TRAF2: variants seen among roughly 807,000 people sequenced by gnomAD.
TRAF2 encodes TNF receptor-associated factor 2.
Under a neutral mutation model 55.6 loss-of-function variants are expected in TRAF2, and 6 were observed. That is an observed-to-expected ratio of 0.11 (90% confidence interval 0.06 to 0.21). The LOEUF (loss-of-function observed/expected upper bound fraction) is 0.21, where lower values mean the gene tolerates loss of function less well. Ranked by LOEUF, TRAF2 falls within the 10% of genes least tolerant of loss-of-function variation. The pLI is 1.00. For missense variants in TRAF2, 561 were observed against 684.5 expected (o/e 0.82, Z 2.01); for synonymous variants, 329 against 276.3 (o/e 1.19, Z -1.89).
chr9:136,915,943 G>A (rs1044752422), intron 6 of TRAF2, among the ~76,000 whole-genome samples: 1 of 152,062 alleles, frequency 6.6e-6, no homozygotes, highest in Admixed American at 6.6e-5. Context: ...ACTCAGAGCC[G>A]CGACACACCT....
chr9:136,905,724 C>CA (rs1849932431), intron 4 of TRAF2, among the ~76,000 whole-genome samples: 1 of 152,168 alleles, frequency 6.6e-6, no homozygotes, highest in Non-Finnish European at 1.5e-5. Context: ...TGGCCAGGCA[C>CA]AGGGGCTCAT....
intron 1 of TRAF2, among the ~76,000 whole-genome samples, chr9:136,898,043 G>C (rs1849726306): frequency 6.8e-6 from 1 of 147,918 alleles, no homozygotes; most frequent in Admixed American, 6.7e-5. Flanking sequence ...GGGCTGGAGG[G>C]GAACCCGTGG....
chr9:136,885,879 C>T (rs758867198), upstream of TRAF2, among the ~76,000 whole-genome samples: 1 of 152,262 alleles, frequency 6.6e-6, no homozygotes, highest in Admixed American at 6.5e-5. Context: ...AAAGGAGACC[C>T]CATAGCCTTA....
chr9:136,909,067 A>T (rs1355855379), intron 5 of TRAF2, among the ~76,000 whole-genome samples: 1 of 152,092 alleles, frequency 6.6e-6, no homozygotes, highest in Non-Finnish European at 1.5e-5. Context: ...AAAATTTTTA[A>T]AAAAAGTTTG....
chr9:136,918,258 TTTATTTAATTAA>T (rs1257440130), intron 7 of TRAF2, among the ~76,000 whole-genome samples: 3 of 18,814 alleles, frequency 1.6e-4, no homozygotes, highest in East Asian at 5.3e-3. Context: ...TATATATATA[TTTATTTAATTAA>T]TTAATTTATT....
intron 4 of TRAF2, among the ~76,000 whole-genome samples, chr9:136,903,497 G>A (rs572582239): frequency 2.0e-5 from 3 of 151,832 alleles, no homozygotes; most frequent in East Asian, 1.9e-4. Context: ...CTGTATTTGC[G>A]TCAAATGTGT....
At chr9:136,882,236 C>A (rs1441947617), upstream of TRAF2, among the ~76,000 whole-genome samples, 2 of 152,204 alleles carry the variant, frequency 1.3e-5, no homozygotes, top group African/African-American at 4.8e-5. Context: ...TCCACAGAGC[C>A]CTGCTGGGCA....
At chr9:136,922,420 A>AC (rs17250588) in intron 9 of TRAF2, 5,011 of 152,526 alleles carry the variant, frequency 0.033, 149 homozygotes, top group South Asian at 0.13. Flanking sequence ...GGAGCTCTGC[A>AC]CTAAGCGTTG....
At position 136,911,162 on chromosome 9, in the gene TRAF2, C is replaced by T. The variant is rs146053497; in HGVS notation, c.603+1168C>T. 1.6e-3 allele frequency among the ~76,000 whole-genome samples: 251 copies of T among 152,282 alleles called. 1 individual carries two copies. In the East Asian group the frequency reaches 0.023, roughly 14 times the overall value. On this transcript the variant is annotated intron_variant, in intron 6 of 10. Transcript: ENST00000247668. ...CTGTTTCCAGAGTGAAAGACGAAGACGGGCGCCCACGCAGCGCGGTGGTGT... is the reference window on the plus strand; with the variant it reads ...CTGTTTCCAGAGTGAAAGACGAAGATGGGCGCCCACGCAGCGCGGTGGTGT...
intron 3 of TRAF2, 87 bp from the exon 4 acceptor site, chr9:136,900,335 G>A: frequency 1.2e-6 from 1 of 831,086 alleles, no homozygotes; most frequent in Non-Finnish European, 1.9e-6. Context: ...ACGCAGTATT[G>A]GTTGGTTTGG....
chr9:136,885,322 G>C (rs950941693), upstream of TRAF2, among the ~76,000 whole-genome samples: 1 of 152,120 alleles, frequency 6.6e-6, no homozygotes, highest in African/African-American at 2.4e-5. Context: ...TCTGCAAAGC[G>C]GGGTGAAAGG....
intron 3 of TRAF2, among the ~76,000 whole-genome samples, 174 bp from the exon 4 acceptor site, chr9:136,900,248 C>T (rs2131293361): frequency 6.6e-6 from 1 of 151,440 alleles, no homozygotes; most frequent in South Asian, 2.1e-4. Flanking sequence ...GAAACTTTGG[C>T]ATCAAGGTGA....
At chr9:136,898,323 T>C (rs957539156) in intron 1 of TRAF2, among the ~76,000 whole-genome samples, 1 of 152,166 alleles carries the variant, frequency 6.6e-6, no homozygotes, top group African/African-American at 2.4e-5. Flanking sequence ...GCAGGAACCA[T>C]GGGGGAGACC....
chr9:136,886,605 G>C (rs1486979174), intron 1 of TRAF2, 64 bp downstream of exon 1: 5 of 976,232 alleles, frequency 5.1e-6, no homozygotes, highest in East Asian at 1.1e-4. Flanking sequence ...GCGGGGTCGG[G>C]CGCGGGGTCG....
At chr9:136,889,916 G>A (rs754081034) in intron 1 of TRAF2, among the ~76,000 whole-genome samples, 6 of 150,268 alleles carry the variant, frequency 4.0e-5, no homozygotes, top group East Asian at 2.0e-4. Context: ...AATCACCCCC[G>A]CATGCTTGTT....
chr9:136,916,795 C>T (rs913168546), intron 7 of TRAF2, 180 bp downstream of exon 7: 1 of 626,862 alleles, frequency 1.6e-6, no homozygotes, highest in African/African-American at 1.8e-5. Context: ...GCAGCCCTGT[C>T]CACTCCCTCC....
intron 1 of TRAF2, among the ~76,000 whole-genome samples, chr9:136,896,543 C>A (rs1411189060): frequency 8.5e-5 from 13 of 152,214 alleles, no homozygotes. Context: ...AGGGCCAGCA[C>A]GTGTGAACAA....
At chr9:136,895,919 G>A (rs1849670086) in intron 1 of TRAF2, among the ~76,000 whole-genome samples, 1 of 151,216 alleles carries the variant, frequency 6.6e-6, no homozygotes, top group Admixed American at 6.6e-5. Flanking sequence ...TGCCACCCCA[G>A]GTTGCCCTCT....
intron 1 of TRAF2, among the ~76,000 whole-genome samples, chr9:136,898,184 C>T (rs929443179): frequency 6.6e-6 from 1 of 152,348 alleles, no homozygotes; most frequent in Admixed American, 6.5e-5. Flanking sequence ...GCTCTAGGGG[C>T]TGGTCTGGCG....
Sources: gnomAD v4.1 joint callset for allele counts (sites outside exome capture counted in the v4.1 genomes callset) on GRCh38, gnomAD v4.1.1 for gene constraint, MANE v1.5 for transcripts, NCBI Gene and HGNC (gene_info 2026-07-23, HGNC 2026-07-21) for gene names.